Variants in ABI1 observed in about 807,000 individuals in gnomAD.
ABI1 encodes abl interactor 1.
A neutral mutation model predicts 54.6 loss-of-function variants in ABI1; 14 were observed. That is an observed-to-expected ratio of 0.26 (90% CI 0.17 to 0.40). The LOEUF (loss-of-function observed/expected upper bound fraction) is 0.40. ABI1 is among the 10% of genes least tolerant of loss of function. ABI1 has a pLI of 1.00. For missense variants in ABI1, 443 were observed against 598.3 expected (o/e 0.74, Z 2.71); for synonymous variants, 194 against 209.3 (o/e 0.93, Z 0.63).
chr10:26,837,607 C>A (rs2049175237), intron 1 of ABI1, among the ~76,000 whole-genome samples: 1 of 152,034 alleles, frequency 6.6e-6, no homozygotes, highest in Non-Finnish European at 1.5e-5. Context: ...ATTTAATTTT[C>A]TTTTTCTGGT....
At chr10:26,838,962 A>G (rs1279029538) in intron 1 of ABI1, among the ~76,000 whole-genome samples, 1 of 152,088 alleles carries the variant, frequency 6.6e-6, no homozygotes, top group Non-Finnish European at 1.5e-5. Flanking sequence ...ATGATGAACC[A>G]CTCCAAGTCA....
At chr10:26,839,678 T>C (rs1023794905) in intron 1 of ABI1, 9 of 642,758 alleles carry the variant, frequency 1.4e-5, no homozygotes, top group Non-Finnish European at 2.5e-5. Flanking sequence ...ATGCCAGGCT[T>C]GGTGGCTCAC....
At chr10:26,784,608 G>T (rs1430254693) in intron 2 of ABI1, among the ~76,000 whole-genome samples, 1 of 152,170 alleles carries the variant, frequency 6.6e-6, no homozygotes, top group Non-Finnish European at 1.5e-5. Flanking sequence ...ATTCTTTATA[G>T]GCACACACAG....
chr10:26,803,321 T>C (rs1336538731), intron 2 of ABI1, among the ~76,000 whole-genome samples: 1 of 152,132 alleles, frequency 6.6e-6, no homozygotes, highest in African/African-American at 2.4e-5. Context: ...AAAGGCAAAG[T>C]TTAAGAATTG....
At chr10:26,763,965 T>C (rs1189659757) in intron 7 of ABI1, 4 of 1,606,248 alleles carry the variant, frequency 2.5e-6, no homozygotes, top group Non-Finnish European at 1.7e-6. Context: ...TGTTTTCTAA[T>C]AAAATAGTTT....
At chr10:26,781,233 G>A (rs904499328) in intron 2 of ABI1, among the ~76,000 whole-genome samples, 1 of 152,238 alleles carries the variant, frequency 6.6e-6, no homozygotes, top group Non-Finnish European at 1.5e-5. Context: ...TTGGGAATGA[G>A]TCAACTCAAA....
At position 26,860,445 on chromosome 10, in the gene ABI1, G is replaced by A. The variant is rs1355019563; in HGVS notation, c.117+302C>T. On this transcript the variant is annotated intron_variant, in intron 1 of 10. Coordinates refer to ENST00000376140, the MANE Select transcript of ABI1 (RefSeq NM_001012750.3). The surrounding 1 kb of genome is among the most constrained non-coding windows in gnomAD (Gnocchi z 4.1). ...CGCGACCCCGGTGGCCGGGCCCTGG[G>A]GGAAGCGGACGCGAGGGGGGCGCCG... is the stretch of plus-strand genomic sequence containing the variant. 1.3e-5 allele frequency among the ~76,000 whole-genome samples: 2 copies of A among 152,184 alleles called. No individual in the cohort carries two copies. The highest frequency in any genetic ancestry group is 2.9e-5 in the Non-Finnish European group (2 of 68,024).
intron 3 of ABI1, among the ~76,000 whole-genome samples, chr10:26,774,581 C>T (rs1385558835): frequency 6.6e-6 from 1 of 152,062 alleles, no homozygotes; most frequent in Non-Finnish European, 1.5e-5. Context: ...ACCAGATTTA[C>T]TTTGGGATAT....
intron 2 of ABI1, among the ~76,000 whole-genome samples, chr10:26,811,386 C>T (rs1050940539): frequency 3.9e-5 from 6 of 151,930 alleles, no homozygotes; most frequent in African/African-American, 9.7e-5. Context: ...ATAAATTTAC[C>T]GTGTTAATAA....
intron 1 of ABI1, among the ~76,000 whole-genome samples, chr10:26,834,946 T>C (rs11015324): frequency 0.26 from 39,809 of 151,556 alleles, 6,005 homozygotes; most frequent in South Asian, 0.44. Flanking sequence ...CTACTAAAAA[T>C]ACAAAAATTA....
At chr10:26,770,380 T>C in intron 4 of ABI1, 35 bp from the exon 5 acceptor site, 1 of 1,564,906 alleles carries the variant, frequency 6.4e-7, no homozygotes, top group Non-Finnish European at 8.8e-7. Flanking sequence ...TATTTTTATA[T>C]CAAATTGTTC....
intron 1 of ABI1, among the ~76,000 whole-genome samples, chr10:26,856,084 G>A (rs369925911): frequency 0.016 from 2,418 of 150,842 alleles, 57 homozygotes; most frequent in African/African-American, 0.056. Context: ...GCCAGAGTTC[G>A]AGATCAGCCT....
intron 1 of ABI1, among the ~76,000 whole-genome samples, chr10:26,854,729 C>G (rs1262069728): frequency 6.6e-6 from 1 of 152,178 alleles, no homozygotes; most frequent in African/African-American, 2.4e-5. Context: ...CCAGTCTATC[C>G]TCATCTCCTG....
intron 2 of ABI1, among the ~76,000 whole-genome samples, chr10:26,809,547 G>A (rs116691166): frequency 4.3e-4 from 65 of 151,872 alleles, no homozygotes; most frequent in African/African-American, 1.4e-3. Context: ...GACAGAGCGA[G>A]ACCCTATGTC....
intron 2 of ABI1, among the ~76,000 whole-genome samples, chr10:26,795,141 C>CAAAA (rs200953543): frequency 9.0e-6 from 1 of 110,834 alleles, no homozygotes; most frequent in African/African-American, 3.2e-5. Flanking sequence ...GAGACTGTCT[C>CAAAA]AAAAAAAAAA....
intron 2 of ABI1, among the ~76,000 whole-genome samples, chr10:26,809,635 A>T (rs1456234059): frequency 6.6e-6 from 1 of 152,236 alleles, no homozygotes; most frequent in Non-Finnish European, 1.5e-5. Flanking sequence ...AAAAGGGGGG[A>T]AATATTAGAA....
rs1297324911 is a variant in ABI1, at chr10:26,860,466, C to T, written c.117+281G>A. On this transcript the variant is annotated intron_variant, in intron 1 of 10. Transcript: ENST00000376140. The surrounding 1 kb of genome is among the most constrained non-coding windows in gnomAD (Gnocchi z 4.1). Reference sequence around the variant, plus strand: ...CTGGGGGAAGCGGACGCGAGGGGGGCGCCGGGCTGCGGCAGCGGCGGGCTC... The same window carrying T: ...CTGGGGGAAGCGGACGCGAGGGGGGTGCCGGGCTGCGGCAGCGGCGGGCTC... Among the ~76,000 whole-genome samples, 1 of 152,168 alleles carries T rather than the reference C, an allele frequency of 6.6e-6. No homozygotes were observed. The highest frequency in any genetic ancestry group is 1.5e-5 in the Non-Finnish European group (1 of 68,028).
chr10:26,824,796 T>G (rs1331144918), intron 1 of ABI1, among the ~76,000 whole-genome samples: 1 of 152,176 alleles, frequency 6.6e-6, no homozygotes, highest in Non-Finnish European at 1.5e-5. Flanking sequence ...AAGCATATCT[T>G]GTTTCACAGA....
chr10:26,808,442 G>A (rs1389759414), intron 2 of ABI1, among the ~76,000 whole-genome samples: 1 of 152,066 alleles, frequency 6.6e-6, no homozygotes, highest in Non-Finnish European at 1.5e-5. Context: ...TGGTGTGTAT[G>A]CATGTGTTAA....
Sources: allele counts gnomAD v4.1 joint callset (sites outside exome capture counted in the v4.1 genomes callset), GRCh38; gene constraint gnomAD v4.1.1; non-coding constraint Gnocchi (gnomAD v3.1); transcripts MANE v1.5; gene names NCBI Gene and HGNC (gene_info 2026-07-23, HGNC 2026-07-21).